The following NHSL1 variants were observed in gnomAD, a reference collection of about 807,000 sequenced individuals.
NHSL1 encodes the protein NHS like 1, also known as NHS-like protein 1.
In NHSL1, 48 loss-of-function variants were observed where a neutral mutation model predicts 95.0. The ratio of observed to expected loss-of-function variants is 0.51; its 90% CI spans 0.40 to 0.64. The LOEUF is 0.64. Among genes scored for constraint, NHSL1 ranks in the 30% least tolerant of loss-of-function variants. The pLI is 0.00. For synonymous variants in NHSL1, 783 were observed against 833.9 expected, an observed-to-expected ratio of 0.94 and a Z score of 1.05; for missense variants, 1,971 against 2,077.7, an observed-to-expected ratio of 0.95 and a Z score of 1.00.
At chr6:138,437,462 A>G (rs1437943463) in intron 5 of NHSL1, among the ~76,000 whole-genome samples, 1 of 144,928 alleles carries the variant, frequency 6.9e-6, no homozygotes, top group Non-Finnish European at 1.5e-5. Context: ...AAAAAAAAAA[A>G]ATACAATGCA....
At chr6:138,453,549 GTAT>G (rs1275740180) in intron 3 of NHSL1, among the ~76,000 whole-genome samples, 2 of 151,458 alleles carry the variant, frequency 1.3e-5, no homozygotes, top group East Asian at 1.9e-4. Flanking sequence ...TATTTTTATT[GTAT>G]TATTATTTTT....
At chr6:138,524,174 G>A (rs531944890) in intron 1 of NHSL1, among the ~76,000 whole-genome samples, 1 of 152,306 alleles carries the variant, frequency 6.6e-6, no homozygotes, top group Admixed American at 6.5e-5. Context: ...AGTAAATCAA[G>A]AAGCAAGCCC....
At chr6:138,503,204 A>G (rs80261610), upstream of NHSL1, among the ~76,000 whole-genome samples, 1 of 151,858 alleles carries the variant, frequency 6.6e-6, no homozygotes, top group Non-Finnish European at 1.5e-5. Flanking sequence ...ACTTCCAACC[A>G]CCCAGCTCTT....
chr6:138,447,179 T>C lies in NHSL1; in HGVS notation c.354A>G (p.Ser118=), dbSNP rs943672689. The part of the protein sequence containing the change: ...EETDQKCSLS[S]SEEERFISIR... The stretch of plus-strand genomic sequence containing the variant: ...TGGAAATAAATCTTTCTTCTTCTGA[T>C]GAAGACAGAGAACACTGCAGAGAAA... The change falls in exon 4 of 8, where the codon TCA becomes TCG. Residue 118 remains serine, a synonymous_variant. Coordinates refer to ENST00000343505, the MANE Select transcript of NHSL1 (RefSeq NM_001144060.2). The C allele has an allele frequency of 5.8e-6, 9 of 1,550,702 alleles. No homozygotes were observed. The highest frequency in any genetic ancestry group is 4.9e-5 in the East Asian group (2 of 40,936).
rs79390001 is a variant in NHSL1 at position 138,597,183 on chromosome 6, G to A, written c.96+95293C>T. ...CTCAAAAAGAAAAACAAAAAGTTAA[G>A]ACCTGCAAACAGCGAATAGAATACA... On this transcript the variant is annotated intron_variant, in intron 1 of 3. Transcript: ENST00000491526. 8.9e-3 allele frequency among the ~76,000 whole-genome samples: 1,349 copies of A among 152,124 alleles called. 12 individuals carry two copies. Among genetic ancestry groups the A allele is most frequent in the East Asian group, 0.066 (340 of 5,170 alleles).
intron 1 of NHSL1, among the ~76,000 whole-genome samples, chr6:138,557,639 G>C (rs1228852428): frequency 6.6e-6 from 1 of 152,240 alleles, no homozygotes; most frequent in Non-Finnish European, 1.5e-5. Context: ...TAGTCACAGT[G>C]ACACCAGGGC....
chr6:138,434,146 G>C (rs575531172), intron 5 of NHSL1, among the ~76,000 whole-genome samples: 4 of 152,270 alleles, frequency 2.6e-5, no homozygotes, highest in Non-Finnish European at 4.4e-5. Flanking sequence ...AGGGGTACTG[G>C]TATAAAACAG....
chr6:138,643,952 T>C (rs1784986834), intron 1 of NHSL1, among the ~76,000 whole-genome samples: 2 of 150,744 alleles, frequency 1.3e-5, no homozygotes, highest in South Asian at 4.2e-4. Flanking sequence ...GAGCCCAGAC[T>C]GTGCCACTGC....
chr6:138,683,664 C>G (rs1441954450), intron 1 of NHSL1, among the ~76,000 whole-genome samples: 1 of 152,170 alleles, frequency 6.6e-6, no homozygotes, highest in Non-Finnish European at 1.5e-5. Flanking sequence ...GAAGTTAGAT[C>G]AGGTAACTGA....
chr6:138,670,382 A>G (rs1420306181), intron 1 of NHSL1, among the ~76,000 whole-genome samples: 1 of 151,652 alleles, frequency 6.6e-6, no homozygotes, highest in Non-Finnish European at 1.5e-5. Context: ...AAAAAAAAAA[A>G]AAGGCCGGGC....
Position 138,499,244 on chromosome 6 carries a change from A to G in NHSL1, c.47T>C (p.Phe16Ser), listed in dbSNP as rs980336291. The G allele has an allele frequency of 5.4e-5, 83 of 1,548,902 alleles. No individual in the cohort carries two copies. In the Admixed American group the frequency reaches 5.7e-4, roughly 11 times the overall value. Residue 16 changes from phenylalanine to serine, a missense_variant, in exon 1 of 8, where the codon TTT (phenylalanine) becomes TCT (serine). Physicochemically the swap from Phe to Ser is radical, Grantham distance 155. This residue lies in a region of NHSL1 where 1,602 missense variants were observed against 1,654.5 expected (regional missense o/e 0.97). Transcript: ENST00000343505. ...NAKIKSLIKLFKKKTVSNLDE... is the reference protein window; with the variant it reads ...NAKIKSLIKLSKKKTVSNLDE... ...AAGGAACTACTTACTTTTCTTCTTA[A>G]AAAGTTTAATTAAAGACTTAATCTT... is the stretch of plus-strand genomic sequence containing the variant.
At chr6:138,467,703 G>A (rs1386774538) in intron 3 of NHSL1, among the ~76,000 whole-genome samples, 1 of 151,970 alleles carries the variant, frequency 6.6e-6, no homozygotes, top group East Asian at 1.9e-4. Context: ...GTGTCTTAGT[G>A]TTTAATAAAA....
intron 1 of NHSL1, among the ~76,000 whole-genome samples, chr6:138,531,301 AACT>A (rs975550662): frequency 1.3e-5 from 2 of 152,236 alleles, no homozygotes; most frequent in Non-Finnish European, 2.9e-5. Context: ...AGTCTTGAAT[AACT>A]GCCTTTGGTT....
chr6:138,629,457 A>G (rs1784788213), intron 1 of NHSL1, among the ~76,000 whole-genome samples: 1 of 150,530 alleles, frequency 6.6e-6, no homozygotes, highest in Admixed American at 6.7e-5. Context: ...ATCTCGGCTC[A>G]CTGCACCCTC....
intron 1 of NHSL1, among the ~76,000 whole-genome samples, chr6:138,551,800 T>A (rs1036141699): frequency 6.6e-6 from 1 of 152,152 alleles, no homozygotes; most frequent in African/African-American, 2.4e-5. Context: ...GGCAGGGGAA[T>A]ATGGAACGCG....
upstream of NHSL1, chr6:138,545,826 C>T: frequency 8.6e-7 from 1 of 1,168,646 alleles, no homozygotes. Context: ...TGACACCTCC[C>T]TATCTCTCCT....
chr6:138,652,334 G>A (rs749694034), intron 1 of NHSL1, among the ~76,000 whole-genome samples: 10 of 151,800 alleles, frequency 6.6e-5, no homozygotes, highest in Admixed American at 1.3e-4. Flanking sequence ...CCAGCTACTC[G>A]GGAGGTTGAA....
At chr6:138,527,194 G>C (rs186902271) in intron 1 of NHSL1, among the ~76,000 whole-genome samples, 9 of 151,458 alleles carry the variant, frequency 5.9e-5, no homozygotes, top group African/African-American at 1.7e-4. Context: ...GGCTGCATTG[G>C]ATTTTGTGCA....
intron 1 of NHSL1, among the ~76,000 whole-genome samples, chr6:138,595,278 A>C (rs894584755): frequency 2.6e-5 from 4 of 152,384 alleles, no homozygotes; most frequent in African/African-American, 9.6e-5. Context: ...AAGAGAGTTA[A>C]AAGTAAAGAT....
Sources: allele counts gnomAD v4.1 joint callset (sites outside exome capture counted in the v4.1 genomes callset), GRCh38; gene constraint gnomAD v4.1.1; regional missense constraint gnomAD v4.1.1; transcripts MANE v1.5; gene names NCBI Gene and HGNC (gene_info 2026-07-23, HGNC 2026-07-21).